The following MAST4 variants were observed in gnomAD, a reference collection of about 807,000 sequenced individuals.
The protein encoded by MAST4 is microtubule-associated serine/threonine-protein kinase 4.
In MAST4, 89 loss-of-function variants were observed where a neutral mutation model predicts 162.7. The observed-to-expected ratio is 0.55, with a 90% CI of 0.46 to 0.65. The LOEUF (loss-of-function observed/expected upper bound fraction) is 0.65. MAST4 is among the 30% of genes least tolerant of loss of function. The pLI is 0.00. For synonymous variants in MAST4, 1,479 were observed against 1,361.1 expected (o/e 1.09, Z -1.91); for missense variants, 3,153 against 3,374.0 (o/e 0.93, Z 1.62).
intron 3 of MAST4, among the ~76,000 whole-genome samples, chr5:66,813,769 T>C (rs1266279178): frequency 6.6e-6 from 1 of 152,252 alleles, no homozygotes; most frequent in East Asian, 1.9e-4. Context: ...TTTTTATTTC[T>C]GACAGCTTGA....
intron 1 of MAST4, among the ~76,000 whole-genome samples, chr5:66,704,612 C>T (rs1414050948): frequency 4.6e-5 from 7 of 150,680 alleles, no homozygotes; most frequent in African/African-American, 9.8e-5. Flanking sequence ...GCCATTCTCC[C>T]GCCTCAGCCT....
At chr5:66,609,392 CTTTTT>C (rs373893029) in intron 1 of MAST4, among the ~76,000 whole-genome samples, 1 of 128,620 alleles carries the variant, frequency 7.8e-6, no homozygotes, top group African/African-American at 3.0e-5. Flanking sequence ...CAATGCACTA[CTTTTT>C]TTTTTTTTTT....
Position 66,751,487 on chromosome 5 carries a change from T to C in MAST4, c.364-8222T>C, listed in dbSNP as rs575269979. Among the ~76,000 whole-genome samples, 302 of 152,206 alleles carry C rather than the reference T, an allele frequency of 2.0e-3. 2 individuals carry two copies. The highest frequency in any genetic ancestry group is 5.2e-3 in the African/African-American group (217 of 41,506). On this transcript the variant is annotated intron_variant, in intron 1 of 28. Coordinates refer to ENST00000403625, the MANE Select transcript of MAST4 (RefSeq NM_001164664.2). ...GCTGAAAACCAAGGCTCGAGAACTA[T>C]GTGAAGAATTCAGAAGCCTCAGGAG...
At chr5:67,143,197 G>A (rs1442526209) in intron 21 of MAST4, among the ~76,000 whole-genome samples, 1 of 150,934 alleles carries the variant, frequency 6.6e-6, no homozygotes, top group Non-Finnish European at 1.5e-5. Flanking sequence ...GAGGCAAGAA[G>A]ATAGCGTAAG....
At chr5:66,814,940 C>T (rs11739093) in intron 3 of MAST4, among the ~76,000 whole-genome samples, 47,504 of 151,788 alleles carry the variant, frequency 0.31, 7,721 homozygotes, top group Non-Finnish European at 0.35. Context: ...TATAAAATAA[C>T]GTATGGAAGA....
chr5:66,686,444 G>A (rs2149490600), intron 1 of MAST4, among the ~76,000 whole-genome samples: 1 of 152,238 alleles, frequency 6.6e-6, no homozygotes, highest in Admixed American at 6.5e-5. Flanking sequence ...CTAATTTTGA[G>A]ATTTAAAAAT....
intron 4 of MAST4, among the ~76,000 whole-genome samples, chr5:66,967,741 T>C (rs950961254): frequency 7.1e-6 from 1 of 139,880 alleles, no homozygotes; most frequent in Non-Finnish European, 1.6e-5. Context: ...ATAGGCAAAA[T>C]ACACACTTTG....
chr5:66,832,225 A>G (rs778377064), intron 3 of MAST4, among the ~76,000 whole-genome samples: 1 of 152,026 alleles, frequency 6.6e-6, no homozygotes, highest in Non-Finnish European at 1.5e-5. Context: ...ATTAAATATT[A>G]CCATTTCCAT....
At chr5:67,147,297 A>G (rs1393086097) in intron 23 of MAST4, among the ~76,000 whole-genome samples, 1 of 152,160 alleles carries the variant, frequency 6.6e-6, no homozygotes, top group Non-Finnish European at 1.5e-5. Context: ...ACTGTAGTAA[A>G]ATTAAATTTG....
rs1308070928 is a variant in MAST4, at chr5:67,017,404, A to G, written c.675-37000A>G. On this transcript the variant is annotated intron_variant, in intron 4 of 28. Transcript: ENST00000403625. ...TAACCTAGGCCTAAGAGTTACTCAG[A>G]TGTGTACTGACACAGGGTTTACCAC... is the stretch of plus-strand genomic sequence containing the variant. 3.3e-5 allele frequency among the ~76,000 whole-genome samples: 5 copies of G among 152,288 alleles called. No homozygotes were observed. In the South Asian group the frequency reaches 6.2e-4, roughly 19 times the overall value.
At chr5:66,922,006 C>G (rs1447371042) in intron 4 of MAST4, among the ~76,000 whole-genome samples, 1 of 152,066 alleles carries the variant, frequency 6.6e-6, no homozygotes, top group Non-Finnish European at 1.5e-5. Flanking sequence ...TTGCCTTAGT[C>G]CACTGCTAGA....
At chr5:66,704,097 A>C (rs1302807526) in intron 1 of MAST4, among the ~76,000 whole-genome samples, 1 of 152,206 alleles carries the variant, frequency 6.6e-6, no homozygotes, top group Non-Finnish European at 1.5e-5. Flanking sequence ...TATGATTAAG[A>C]AACACACTTC....
intron 1 of MAST4, among the ~76,000 whole-genome samples, chr5:66,618,181 C>T (rs752985493): frequency 5.9e-5 from 9 of 152,206 alleles, no homozygotes; most frequent in Non-Finnish European, 1.2e-4. Flanking sequence ...TTCCTGCCCA[C>T]GGCCTTTTCT....
At chr5:67,025,158 A>AT (rs1484341490) in intron 4 of MAST4, among the ~76,000 whole-genome samples, 1 of 152,140 alleles carries the variant, frequency 6.6e-6, no homozygotes, top group East Asian at 1.9e-4. Flanking sequence ...TTTTAAATGC[A>AT]TAACATAAGA....
chr5:67,111,160 T>A (rs1561666553), intron 11 of MAST4, among the ~76,000 whole-genome samples: 1 of 152,266 alleles, frequency 6.6e-6, no homozygotes, highest in Non-Finnish European at 1.5e-5. Context: ...CTGTGAACAT[T>A]ATAATTATTT....
intron 5 of MAST4, among the ~76,000 whole-genome samples, chr5:67,063,177 T>A (rs910783797): frequency 6.6e-6 from 1 of 151,952 alleles, no homozygotes; most frequent in African/African-American, 2.4e-5. Context: ...TTTTTTGTCT[T>A]TAGCCTTTGT....
chr5:67,147,026 C>T (rs1309850615), intron 23 of MAST4, among the ~76,000 whole-genome samples: 1 of 152,034 alleles, frequency 6.6e-6, no homozygotes, highest in Admixed American at 6.6e-5. Flanking sequence ...GTCTCCTCAG[C>T]CTGCTCACTA....
intron 2 of MAST4, among the ~76,000 whole-genome samples, chr5:66,787,753 C>G (rs1253352933): frequency 6.6e-6 from 1 of 152,118 alleles, no homozygotes; most frequent in Non-Finnish European, 1.5e-5. Context: ...TTTTCATTGT[C>G]TGTTTTTTTG....
At chr5:67,078,284 A>G (rs892224342) in intron 5 of MAST4, among the ~76,000 whole-genome samples, 4 of 151,464 alleles carry the variant, frequency 2.6e-5, no homozygotes, top group Non-Finnish European at 5.9e-5. Context: ...AAAGATAAAC[A>G]CAGATGAGAA....
Sources: allele counts gnomAD v4.1 joint callset (sites outside exome capture counted in the v4.1 genomes callset), GRCh38; gene constraint gnomAD v4.1.1; transcripts MANE v1.5; gene names NCBI Gene and HGNC (gene_info 2026-07-23, HGNC 2026-07-21).